DOCK10: variants seen among roughly 807,000 people sequenced by gnomAD.
DOCK10 encodes the protein dedicator of cytokinesis protein 10.
Under a neutral mutation model 280.1 loss-of-function variants are expected in DOCK10, and 145 were observed. That is an observed-to-expected ratio of 0.52 (90% confidence interval 0.45 to 0.59). The LOEUF (loss-of-function observed/expected upper bound fraction) is 0.59. Ranked by LOEUF, DOCK10 falls within the 20% of genes least tolerant of loss-of-function variation. The pLI is 0.00. For missense variants in DOCK10, 2,368 were observed against 2,651.7 expected, an observed-to-expected ratio of 0.89 and a Z score of 2.35; for synonymous variants, 915 against 942.2, an observed-to-expected ratio of 0.97 and a Z score of 0.53.
rs1694647863 is a variant in DOCK10, at chr2:224,823,546, A to G, written c.3138T>C (p.Leu1046=). Residue 1046 remains leucine (L), a synonymous_variant, in exon 28 of 56, where the codon CTT becomes CTC. Transcript: ENST00000258390. Reference sequence around the variant, plus strand: ...TGTGGTTTGCCCTTCTTGTTTCTTCAAGTGCATCCTTGTATTTCCAAATCA... The same window carrying G: ...TGTGGTTTGCCCTTCTTGTTTCTTCGAGTGCATCCTTGTATTTCCAAATCA... ...DHVIWKYKDA[L]EETRRANHSV... is the part of the protein sequence containing the mutation. The G allele has an allele frequency of 5.6e-6, 9 of 1,609,110 alleles. No homozygotes were observed. The highest frequency in any genetic ancestry group is 7.6e-6 in the Non-Finnish European group (9 of 1,178,612).
intron 4 of DOCK10, among the ~76,000 whole-genome samples, chr2:224,894,271 GGAA>G (rs1699861605): frequency 6.6e-6 from 1 of 152,166 alleles, no homozygotes; most frequent in Non-Finnish European, 1.5e-5. Flanking sequence ...TTTTAACAGA[GGAA>G]GAATACTGTG....
intron 29 of DOCK10, among the ~76,000 whole-genome samples, chr2:224,817,697 G>GGAGCA (rs201822139): frequency 0.012 from 1,768 of 152,230 alleles, 21 homozygotes; most frequent in Middle Eastern, 0.017. Context: ...ATGCATGACA[G>GGAGCA]GAGCACAAAT....
At chr2:224,823,759 C>A in intron 27 of DOCK10, 112 bp from the exon 28 acceptor site, 4 of 996,184 alleles carry the variant, frequency 4.0e-6, no homozygotes, top group Non-Finnish European at 5.5e-6. Context: ...AAAAAGAATC[C>A]TTTTGAAAAC....
At chr2:224,872,256 G>T (rs1007658232) in intron 11 of DOCK10, among the ~76,000 whole-genome samples, 3 of 152,186 alleles carry the variant, frequency 2.0e-5, no homozygotes, top group Non-Finnish European at 4.4e-5. Flanking sequence ...CACATATTTA[G>T]ATGACAGTTA....
chr2:224,783,802 T>A (rs1691534376), intron 50 of DOCK10, among the ~76,000 whole-genome samples: 1 of 151,546 alleles, frequency 6.6e-6, no homozygotes, highest in South Asian at 2.1e-4. Context: ...AATTTATAAA[T>A]GAACATAGAA....
At chr2:224,972,035 A>G (rs1479771702) in intron 1 of DOCK10, among the ~76,000 whole-genome samples, 1 of 152,194 alleles carries the variant, frequency 6.6e-6, no homozygotes, top group Non-Finnish European at 1.5e-5. Flanking sequence ...GGCTTATGTT[A>G]TATTTCAATT....
intron 11 of DOCK10, among the ~76,000 whole-genome samples, chr2:224,870,200 C>T (rs563610660): frequency 6.6e-6 from 1 of 152,206 alleles, no homozygotes; most frequent in East Asian, 1.9e-4. Flanking sequence ...CCCTTTGCTG[C>T]CGCCATGTGA....
At chr2:224,953,423 G>A (rs748521581) in intron 1 of DOCK10, among the ~76,000 whole-genome samples, 1 of 152,172 alleles carries the variant, frequency 6.6e-6, no homozygotes, top group African/African-American at 2.4e-5. Context: ...CTCAACCAGT[G>A]TACACCCTGC....
chr2:224,865,061 T>C lies in DOCK10; in HGVS notation c.1284A>G (p.Ala428=). 6.2e-7 allele frequency: 1 copy of C among 1,613,746 alleles called. No individual in the cohort carries two copies. Among genetic ancestry groups the C allele is most frequent in the Non-Finnish European group, 8.5e-7 (1 of 1,179,844 alleles). Residue 428 remains alanine (A), a synonymous_variant, in exon 12 of 56, where the codon GCA becomes GCG. Transcript: ENST00000258390. ...TNIEPFFVSV[A]LYDLRDSRKI... ...TCCTGCTGTCTCTGAGGTCATAAAG[T>C]GCCACACTCACAAAAAAAGGCTCAA...
chr2:224,857,313 T>C (rs1222555280), intron 14 of DOCK10, among the ~76,000 whole-genome samples: 4 of 152,164 alleles, frequency 2.6e-5, no homozygotes, highest in African/African-American at 7.2e-5. Flanking sequence ...TCTTTTAAAT[T>C]ATGTTTCCAA....
At chr2:224,882,271 T>C (rs560912205) in intron 7 of DOCK10, among the ~76,000 whole-genome samples, 1 of 152,278 alleles carries the variant, frequency 6.6e-6, no homozygotes, top group African/African-American at 2.4e-5. Context: ...CAGGCCTAAA[T>C]ATCTCTTAGT....
intron 1 of DOCK10, among the ~76,000 whole-genome samples, chr2:224,977,733 A>C (rs1242449905): frequency 1.3e-5 from 2 of 152,190 alleles, no homozygotes; most frequent in African/African-American, 2.4e-5. Flanking sequence ...GTCAGGATTC[A>C]TGTGTTTCTT....
chr2:224,967,297 G>C (rs1027585949), intron 1 of DOCK10, among the ~76,000 whole-genome samples: 2 of 152,062 alleles, frequency 1.3e-5, no homozygotes, highest in Non-Finnish European at 2.9e-5. Context: ...AGTCAGGATG[G>C]TCTTTATCTC....
chr2:224,790,068 A>ACT (rs1315298729), intron 47 of DOCK10, among the ~76,000 whole-genome samples: 1 of 152,222 alleles, frequency 6.6e-6, no homozygotes, highest in African/African-American at 2.4e-5. Context: ...GGCGTGAGCC[A>ACT]CTGCGCCTGG....
intron 1 of DOCK10, among the ~76,000 whole-genome samples, chr2:224,941,843 C>CA (rs72072414): frequency 0.02 from 2,128 of 108,918 alleles, 49 homozygotes; most frequent in African/African-American, 0.054. Context: ...GCCTCCATCT[C>CA]AAAAAAAAAA....
At chr2:224,841,923 T>C (rs1695992027) in intron 22 of DOCK10, 27 bp from the exon 23 acceptor site, 5 of 1,522,404 alleles carry the variant, frequency 3.3e-6, no homozygotes, top group Non-Finnish European at 4.6e-6. Flanking sequence ...AAAGTATTTA[T>C]TTCTGATGAC....
chr2:225,003,246 T>C (rs563520556), intron 1 of DOCK10, among the ~76,000 whole-genome samples: 1 of 152,152 alleles, frequency 6.6e-6, no homozygotes, highest in Non-Finnish European at 1.5e-5. Flanking sequence ...GATTTCACCA[T>C]GTTGCCCAGG....
intron 39 of DOCK10, among the ~76,000 whole-genome samples, chr2:224,803,245 C>G (rs1015082455): frequency 1.3e-5 from 2 of 152,018 alleles, no homozygotes; most frequent in Non-Finnish European, 2.9e-5. Context: ...GAAACTAATT[C>G]TTTACTGTCC....
chr2:224,849,471 A>G, intron 19 of DOCK10, 36 bp downstream of exon 19: 3 of 1,472,660 alleles, frequency 2.0e-6, no homozygotes, highest in Non-Finnish European at 1.9e-6. Context: ...CACCTTTCTT[A>G]GGAACCGCTG....
Sources: allele counts gnomAD v4.1 joint callset (sites outside exome capture counted in the v4.1 genomes callset), GRCh38; gene constraint gnomAD v4.1.1; transcripts MANE v1.5; gene names NCBI Gene and HGNC (gene_info 2026-07-23, HGNC 2026-07-21).